Variants in COL4A1 observed in about 807,000 individuals in gnomAD.
The protein encoded by COL4A1 is collagen type IV alpha 1 chain, also known as collagen alpha-1(IV) chain.
COL4A1 carries 40 observed loss-of-function variants against 216.6 expected under a neutral mutation model. That is an observed-to-expected ratio of 0.18 (90% CI 0.14 to 0.24). The LOEUF (loss-of-function observed/expected upper bound fraction) is 0.24, where lower values mean the gene tolerates loss of function less well. Ranked by LOEUF, COL4A1 falls within the 10% of genes least tolerant of loss-of-function variation. The probability of loss-of-function intolerance (pLI) is 1.00; values close to 1 mark genes in which losing one functional copy is unlikely to be tolerated. For missense variants in COL4A1, 1,628 were observed against 2,196.8 expected, an observed-to-expected ratio of 0.74 and a Z score of 5.18; for synonymous variants, 839 against 810.7, an observed-to-expected ratio of 1.03 and a Z score of -0.59.
intron 1 of COL4A1, among the ~76,000 whole-genome samples, chr13:110,290,781 TG>T (rs1447473324): frequency 6.6e-6 from 1 of 152,256 alleles, no homozygotes; most frequent in Admixed American, 6.5e-5. Context: ...TAACTGGTTG[TG>T]ATCAATGATC....
At chr13:110,260,399 T>C (rs1159820635) in intron 1 of COL4A1, among the ~76,000 whole-genome samples, 1 of 152,176 alleles carries the variant, frequency 6.6e-6, no homozygotes, top group African/African-American at 2.4e-5. Context: ...ATTATTACAA[T>C]TTAAGGTGGG....
rs555388983 is a variant in COL4A1, at chr13:110,242,795, A to C, written c.85-61T>G. 3 of 1,562,622 alleles carry C rather than the reference A, an allele frequency of 1.9e-6. No homozygotes were observed. The East Asian group carries it at 6.7e-5, about 35-fold the overall frequency. Reference sequence around the variant, plus strand: ...CACTTTCAAAGCGAGGGCACTATGCAAATGGAGATGGTTCTGGCATCTTGA... The same window carrying C: ...CACTTTCAAAGCGAGGGCACTATGCCAATGGAGATGGTTCTGGCATCTTGA... On this transcript the variant is annotated intron_variant, in intron 1 of 51. Transcript: ENST00000375820.
chr13:110,247,835 G>GTGTGTGTGTGTGTGTGT (rs765744265), intron 1 of COL4A1, among the ~76,000 whole-genome samples: 2 of 96,480 alleles, frequency 2.1e-5, no homozygotes, highest in African/African-American at 7.8e-5. Context: ...GTGTGTGTGT[G>GTGTGTGTGTGTGTGTGT]GCAGAGAGAG....
chr13:110,180,745 C>G (rs539575392), intron 29 of COL4A1, among the ~76,000 whole-genome samples: 1 of 152,238 alleles, frequency 6.6e-6, no homozygotes, highest in Non-Finnish European at 1.5e-5. Context: ...GCAATCTGAT[C>G]GCCCTAGTGA....
At chr13:110,302,139 T>A (rs9515183) in intron 1 of COL4A1, among the ~76,000 whole-genome samples, 1 of 151,688 alleles carries the variant, frequency 6.6e-6, no homozygotes, top group South Asian at 2.1e-4. Context: ...CAGAAAGAAG[T>A]AGGAGACTTT....
chr13:110,278,421 T>C (rs562117584), intron 1 of COL4A1, among the ~76,000 whole-genome samples: 2 of 152,224 alleles, frequency 1.3e-5, no homozygotes, highest in Non-Finnish European at 2.9e-5. Flanking sequence ...TTTCCCACAA[T>C]TTGAAAGCAT....
rs768518823 is a variant in COL4A1 at position 110,179,437 on chromosome 13, G to A, written c.2194-16C>T. ...CAGGCTCTCCCTGAAAATCCCCAAA[G>A]CACAGAGAAGCAAATTGATTTGCAA... On this transcript the variant is annotated splice_polypyrimidine_tract_variant and intron_variant, in intron 29 of 51. Coordinates refer to ENST00000375820, the MANE Select transcript of COL4A1 (RefSeq NM_001845.6). The A allele has an allele frequency of 6.2e-7, 1 of 1,613,980 alleles. No individual in the cohort carries two copies. Among genetic ancestry groups the A allele is most frequent in the Admixed American group, 1.7e-5 (1 of 60,016 alleles).
rs757882197 is a variant in COL4A1, at chr13:110,192,224, G to A, written c.1526C>T (p.Ala509Val). The A allele has an allele frequency of 1.2e-6, 2 of 1,614,164 alleles. No homozygotes were observed. Among genetic ancestry groups the A allele is most frequent in the South Asian group, 1.1e-5 (1 of 91,092 alleles). ...GACAGGTTTACTTACTGGCACTCCT[G>A]CAACACCATCTCTGCCAGGCAAACC... The part of the protein sequence containing the change: ...DRGLPGRDGV[A>V]GVPGPQGTPG... Residue 509 changes from alanine to valine, a missense_variant, in exon 24 of 52, where the codon GCA (alanine) becomes GTA (valine). Physicochemically the swap from Ala to Val is moderately conservative, Grantham distance 64 (BLOSUM62 0). Around this residue, in one of 8 missense-constraint regions of COL4A1, gnomAD observed 701 missense variants for 892.5 expected, o/e 0.79. Coordinates refer to ENST00000375820, the MANE Select transcript of COL4A1 (RefSeq NM_001845.6).
intron 1 of COL4A1, among the ~76,000 whole-genome samples, chr13:110,290,087 T>G (rs750567666): frequency 1.3e-5 from 2 of 152,250 alleles, no homozygotes; most frequent in Non-Finnish European, 2.9e-5. Flanking sequence ...GACTCGGTGC[T>G]ATTCTAAACA....
chr13:110,196,306 T>G (rs533619043), intron 21 of COL4A1, among the ~76,000 whole-genome samples: 2 of 152,348 alleles, frequency 1.3e-5, no homozygotes, highest in East Asian at 3.9e-4. Context: ...ACTCTGGTCC[T>G]GCCTGGCTCC....
intron 20 of COL4A1, 123 bp downstream of exon 20, chr13:110,200,731 T>C: frequency 4.7e-6 from 5 of 1,054,116 alleles, no homozygotes; most frequent in East Asian, 2.5e-5. Flanking sequence ...CTAGAAAAGA[T>C]GTCGTAAGAT....
rs376835383 is a variant in COL4A1 at position 110,174,436 on chromosome 13, G to A, written c.3406+10C>T. The A allele has an allele frequency of 1.3e-5, 21 of 1,613,256 alleles. No individual in the cohort carries two copies. The highest frequency in any genetic ancestry group is 1.8e-5 in the Non-Finnish European group (21 of 1,180,010). ...TGTGCCCGGGCTGTGTCCCAAAGAG[G>A]GCCCTCTACCTGCTTCTCCTTTGAC... On this transcript the variant is annotated intron_variant, in intron 39 of 51. Coordinates refer to ENST00000375820, the MANE Select transcript of COL4A1 (RefSeq NM_001845.6).
chr13:110,273,867 A>G (rs1042154647), intron 1 of COL4A1, among the ~76,000 whole-genome samples: 3 of 152,194 alleles, frequency 2.0e-5, no homozygotes, highest in Non-Finnish European at 4.4e-5. Context: ...AAAGAGCATT[A>G]CAACTGAGAC....
At chr13:110,303,010 C>A (rs56201566) in intron 1 of COL4A1, among the ~76,000 whole-genome samples, 3,832 of 152,272 alleles carry the variant, frequency 0.025, 65 homozygotes, top group Middle Eastern at 0.075. Context: ...TTAGCCACTT[C>A]TTGATGTTCT....
At chr13:110,167,354 T>C (rs1877392342) in intron 43 of COL4A1, 124 bp from the exon 44 acceptor site, 2 of 781,018 alleles carry the variant, frequency 2.6e-6, no homozygotes, top group Admixed American at 1.8e-5. Flanking sequence ...TGTGAACAAA[T>C]GGTGCCTTGT....
chr13:110,205,937 G>C (rs1381840431), intron 15 of COL4A1, among the ~76,000 whole-genome samples: 1 of 152,076 alleles, frequency 6.6e-6, no homozygotes. Context: ...TTAATATGTT[G>C]TCTCTCCTAT....
chr13:110,200,161 G>A (rs140239088), intron 20 of COL4A1, among the ~76,000 whole-genome samples: 1 of 152,398 alleles, frequency 6.6e-6, no homozygotes, highest in Non-Finnish European at 1.5e-5. Context: ...GCTAGGGCAC[G>A]TGAGCGTTTC....
chr13:110,193,093 C>T (rs1485290242), intron 22 of COL4A1, among the ~76,000 whole-genome samples, 180 bp from the exon 23 acceptor site: 2 of 152,222 alleles, frequency 1.3e-5, no homozygotes, highest in African/African-American at 2.4e-5. Context: ...TGCAGTCAAA[C>T]GCACGTCCCT....
intron 28 of COL4A1, among the ~76,000 whole-genome samples, chr13:110,181,857 G>C (rs1283651187): frequency 6.6e-6 from 1 of 152,204 alleles, no homozygotes; most frequent in Admixed American, 6.5e-5. Context: ...CCTGCCCACT[G>C]TCTGGGCCCC....
Sources: gnomAD v4.1 joint callset for allele counts (sites outside exome capture counted in the v4.1 genomes callset) on GRCh38, gnomAD v4.1.1 for gene constraint, gnomAD v4.1.1 regional missense constraint, MANE v1.5 for transcripts, NCBI Gene and HGNC (gene_info 2026-07-23, HGNC 2026-07-21) for gene names.